Variants in AUTS2 observed in about 807,000 individuals in gnomAD.
AUTS2 encodes the protein autism susceptibility gene 2 protein.
AUTS2 carries 17 observed loss-of-function variants against 112.4 expected under a neutral mutation model. The ratio of observed to expected loss-of-function variants is 0.15; its 90% CI spans 0.10 to 0.23. The LOEUF is 0.23. AUTS2 is among the 10% of genes least tolerant of loss of function. The pLI is 1.00. For synonymous variants in AUTS2, 751 were observed against 702.7 expected, an observed-to-expected ratio of 1.07 and a Z score of -1.09; for missense variants, 1,510 against 1,701.6, an observed-to-expected ratio of 0.89 and a Z score of 1.98.
intron 3 of AUTS2, among the ~76,000 whole-genome samples, chr7:70,130,943 A>G (rs185516530): frequency 1.3e-5 from 2 of 152,340 alleles, no homozygotes; most frequent in Admixed American, 1.3e-4. Flanking sequence ...CTTTTCAGCA[A>G]AAGTATTTGC....
At chr7:70,638,383 G>A (rs999883795) in intron 5 of AUTS2, among the ~76,000 whole-genome samples, 15 of 152,286 alleles carry the variant, frequency 9.8e-5, no homozygotes, top group Admixed American at 5.9e-4. Context: ...TCAAAAGTGC[G>A]AGGATTGTAA....
chr7:70,601,361 T>C (rs904086572), intron 5 of AUTS2, among the ~76,000 whole-genome samples: 4 of 152,222 alleles, frequency 2.6e-5, no homozygotes, highest in Non-Finnish European at 5.9e-5. Context: ...AGGGCAGCTC[T>C]TTTTGTTCCT....
chr7:69,891,811 T>TTTTTTG (rs2129539295), intron 1 of AUTS2, among the ~76,000 whole-genome samples: 1 of 126,480 alleles, frequency 7.9e-6, no homozygotes, highest in South Asian at 2.7e-4. Flanking sequence ...TTTTTTTTTT[T>TTTTTTG]GAGATGGAGT....
At chr7:70,013,741 C>T (rs562144113) in intron 2 of AUTS2, among the ~76,000 whole-genome samples, 8 of 152,114 alleles carry the variant, frequency 5.3e-5, no homozygotes, top group Non-Finnish European at 1.0e-4. Flanking sequence ...TTTTTTGAGA[C>T]GGAGTCTCTC....
At chr7:69,623,111 A>G (rs941754519) in intron 1 of AUTS2, among the ~76,000 whole-genome samples, 2 of 152,208 alleles carry the variant, frequency 1.3e-5, no homozygotes, top group Admixed American at 6.5e-5. Flanking sequence ...CGAGTTGCAT[A>G]TCTATACTCC....
chr7:70,455,771 A>C (rs1056027694), intron 5 of AUTS2, among the ~76,000 whole-genome samples: 1 of 152,124 alleles, frequency 6.6e-6, no homozygotes, highest in African/African-American at 2.4e-5. Context: ...TGGGTGACAG[A>C]GTGAGACTCT....
At chr7:69,632,785 T>A (rs1794323258) in intron 1 of AUTS2, among the ~76,000 whole-genome samples, 1 of 152,152 alleles carries the variant, frequency 6.6e-6, no homozygotes, top group African/African-American at 2.4e-5. Flanking sequence ...CAACACTAAG[T>A]TTTCATTTGG....
chr7:70,343,017 C>T (rs1301405995), intron 4 of AUTS2, among the ~76,000 whole-genome samples: 1 of 152,184 alleles, frequency 6.6e-6, no homozygotes, highest in Non-Finnish European at 1.5e-5. Context: ...TTTGTGGAAG[C>T]TTCCAAATCT....
At chr7:70,468,760 C>T (rs1562973430) in intron 5 of AUTS2, among the ~76,000 whole-genome samples, 1 of 151,980 alleles carries the variant, frequency 6.6e-6, no homozygotes. Flanking sequence ...GTCACTAAGA[C>T]TGGTCACTGG....
intron 5 of AUTS2, among the ~76,000 whole-genome samples, chr7:70,565,525 C>A (rs367643432): frequency 2.6e-5 from 4 of 152,076 alleles, no homozygotes; most frequent in Non-Finnish European, 5.9e-5. Flanking sequence ...CAAAAAAATA[C>A]AAAAATTAGC....
At chr7:70,113,107 T>G (rs551631599) in intron 2 of AUTS2, among the ~76,000 whole-genome samples, 60 of 152,272 alleles carry the variant, frequency 3.9e-4, no homozygotes, top group African/African-American at 1.3e-3. Flanking sequence ...CCAGAAAAAT[T>G]CCTTGCCCTG....
chr7:69,664,435 GAATT>G lies in AUTS2; in HGVS notation c.309+64478_309+64481del, dbSNP rs535536452. Among the ~76,000 whole-genome samples the G allele has an allele frequency of 1.1e-3, 171 of 152,282 alleles. 1 individual carries two copies. The highest frequency in any genetic ancestry group is 1.9e-3 in the Non-Finnish European group (130 of 68,026). On this transcript the variant is annotated intron_variant, in intron 1 of 18. Coordinates refer to ENST00000342771, the MANE Select transcript of AUTS2 (RefSeq NM_015570.4). ...GGCAAAGTTCCAAGCTAGCTCTTGT[GAATT>G]AATTGTTTTATAACTGTTTTAATTA...
intron 1 of AUTS2, among the ~76,000 whole-genome samples, chr7:69,748,964 G>A (rs945951424): frequency 1.3e-5 from 2 of 152,120 alleles, no homozygotes; most frequent in African/African-American, 2.4e-5. Context: ...GAGTAGGGAG[G>A]TAGTGGGGTG....
intron 5 of AUTS2, among the ~76,000 whole-genome samples, chr7:70,634,823 A>G (rs1399683010): frequency 6.6e-6 from 1 of 152,220 alleles, no homozygotes; most frequent in East Asian, 1.9e-4. Context: ...ATGAGATGAA[A>G]GTGAGCAAAG....
chr7:69,653,279 T>C (rs1373043738), intron 1 of AUTS2, among the ~76,000 whole-genome samples: 1 of 152,212 alleles, frequency 6.6e-6, no homozygotes, highest in Non-Finnish European at 1.5e-5. Flanking sequence ...TGCATCTGTG[T>C]CCTGTCCCCA....
At chr7:70,009,020 T>C (rs1799670284) in intron 2 of AUTS2, among the ~76,000 whole-genome samples, 1 of 152,072 alleles carries the variant, frequency 6.6e-6, no homozygotes, top group African/African-American at 2.4e-5. Flanking sequence ...GTTTGAGAGG[T>C]GTCTTATTTC....
At chr7:70,463,537 T>C (rs576304092) in intron 5 of AUTS2, among the ~76,000 whole-genome samples, 15 of 152,320 alleles carry the variant, frequency 9.8e-5, no homozygotes, top group African/African-American at 3.6e-4. Context: ...CTGTGATAAA[T>C]CAGCACATTG....
chr7:70,153,232 G>A (rs1807543331), intron 4 of AUTS2, among the ~76,000 whole-genome samples: 1 of 152,144 alleles, frequency 6.6e-6, no homozygotes, highest in East Asian at 1.9e-4. Flanking sequence ...ATACTACTTA[G>A]CATTAAAAAG....
chr7:69,947,138 G>T (rs1796846887), intron 2 of AUTS2, among the ~76,000 whole-genome samples: 1 of 152,212 alleles, frequency 6.6e-6, no homozygotes, highest in African/African-American at 2.4e-5. Flanking sequence ...GGGAGCCATT[G>T]CGGCTTACAC....
Sources: gnomAD v4.1 joint callset for allele counts (sites outside exome capture counted in the v4.1 genomes callset) on GRCh38, gnomAD v4.1.1 for gene constraint, MANE v1.5 for transcripts, NCBI Gene and HGNC (gene_info 2026-07-23, HGNC 2026-07-21) for gene names.